GCG: variants seen among roughly 807,000 people sequenced by gnomAD.
GCG encodes glucagon.
In GCG, 11 loss-of-function variants were observed where a neutral mutation model predicts 22.8. The ratio of observed to expected loss-of-function variants is 0.48; its 90% confidence interval spans 0.30 to 0.80. The LOEUF (loss-of-function observed/expected upper bound fraction) is 0.80. Among genes scored for constraint, GCG ranks in the 30% least tolerant of loss-of-function variants. The pLI is 0.06. For missense variants in GCG, 222 were observed against 222.0 expected, an observed-to-expected ratio of 1.00 and a Z score of 0.00; for synonymous variants, 89 against 72.4, an observed-to-expected ratio of 1.23 and a Z score of -1.16.
chr2:162,149,512 T>A (rs1337084563), intron 1 of GCG, among the ~76,000 whole-genome samples: 2 of 152,142 alleles, frequency 1.3e-5, no homozygotes, highest in Non-Finnish European at 2.9e-5. Context: ...ACATTTAAAA[T>A]ACCCACTGTA....
chr2:162,146,161 A>G (rs572598598), intron 3 of GCG, among the ~76,000 whole-genome samples: 1 of 152,318 alleles, frequency 6.6e-6, no homozygotes, highest in African/African-American at 2.4e-5. Context: ...TGCTAGTAAC[A>G]AGGAAAGCAA....
intron 1 of GCG, 73 bp from the exon 2 acceptor site, chr2:162,149,260 T>C (rs1686774276): frequency 2.5e-6 from 2 of 814,480 alleles, no homozygotes; most frequent in Admixed American, 4.0e-5. Context: ...GCTAAATTAA[T>C]TAGATTTGAC....
chr2:162,143,340 A>G lies in GCG; in HGVS notation c.*24T>C. 8.1e-7 allele frequency: 1 copy of G among 1,234,460 alleles called. No homozygotes were observed. Among genetic ancestry groups the G allele is most frequent in the Non-Finnish European group, 1.1e-6 (1 of 881,726 alleles). 76.5% of individuals were successfully genotyped at this position (1,234,460 alleles called of 1,614,324 possible). A position where few individuals can be genotyped will look rare whatever the true frequency, so the allele number is the denominator to read the frequency against. The stretch of plus-strand genomic sequence containing the variant: ...ACGTGGCTAGCAGGTGATGTTGTGA[A>G]GATGATCTTGAATAGTGATATAGTT... On this transcript the variant is annotated 3_prime_UTR_variant, in exon 6 of 6. Coordinates refer to ENST00000418842, the MANE Select transcript of GCG (RefSeq NM_002054.5).
chr2:162,152,047 T>C (rs1486034210), intron 1 of GCG, 111 bp downstream of exon 1: 3 of 152,358 alleles, frequency 2.0e-5, no homozygotes, highest in Non-Finnish European at 4.4e-5. Flanking sequence ...TGTGTACTAT[T>C]AGTAATAAAG....
intron 3 of GCG, 49 bp from the exon 4 acceptor site, chr2:162,145,726 T>C: frequency 9.6e-6 from 15 of 1,568,174 alleles, no homozygotes; most frequent in Non-Finnish European, 1.3e-5. Context: ...TTTGGCAATA[T>C]GGTTCTCACC....
Position 162,143,646 on chromosome 2 carries a change from C to T in GCG, c.537-276G>A, listed in dbSNP as rs567400341. Among the ~76,000 whole-genome samples, 9 of 152,248 alleles carry T rather than the reference C, an allele frequency of 5.9e-5. No homozygotes were observed. The East Asian group carries it at 1.5e-3, about 26-fold the overall frequency. On this transcript the variant is annotated intron_variant, in intron 5 of 5. Transcript: ENST00000418842. The stretch of plus-strand genomic sequence containing the variant: ...TTTTCGGTGTCCAGTTCTCACTACT[C>T]TTCTTATTAAATTAAGTATGTAATA...
At chr2:162,147,236 A>T in intron 3 of GCG, 117 bp downstream of exon 3, 1 of 787,650 alleles carries the variant, frequency 1.3e-6, no homozygotes. Flanking sequence ...CATCTTCAAA[A>T]TGATCAGGGC....
rs142104367 is a variant in GCG, at chr2:162,142,967, C to G, written c.*397G>C. 753 of 159,712 alleles carry G rather than the reference C, an allele frequency of 4.7e-3. 7 individuals are homozygous for G. Among genetic ancestry groups the G allele is most frequent in the African/African-American group, 0.016 (661 of 42,004 alleles). The allele number at this position is 159,712 out of a possible 1,614,324, so 9.9% of individuals were successfully genotyped here. ...ACAAAGGTTTCAGGAAGAAAGTTCT[C>G]TTTCCAATTTCACCACTGTGGCTAC... On this transcript the variant is annotated 3_prime_UTR_variant, in exon 6 of 6. Transcript: ENST00000418842.
chr2:162,144,349 G>C, intron 4 of GCG, 179 bp from the exon 5 acceptor site: 2 of 580,966 alleles, frequency 3.4e-6, no homozygotes, highest in South Asian at 4.4e-5. Context: ...CTACTGGAAA[G>C]AGAAAGTAGC....
chr2:162,151,122 T>C (rs949553256), intron 1 of GCG, among the ~76,000 whole-genome samples: 2 of 152,120 alleles, frequency 1.3e-5, no homozygotes, highest in African/African-American at 4.8e-5. Flanking sequence ...TTCCAGTTAA[T>C]TTCCCCCCTC....
chr2:162,150,893 C>A lies in GCG; in HGVS notation c.-10+1265G>T, dbSNP rs75316473. Among the ~76,000 whole-genome samples the A allele has an allele frequency of 3.8e-3, 571 of 151,926 alleles. 6 individuals are homozygous for A. Among genetic ancestry groups the A allele is most frequent in the South Asian group, 0.032 (155 of 4,816 alleles). Reference sequence around the variant, plus strand: ...GATGGAAGAAAGAACAACCATAAACCACATAAAGAAGTGAGCGTTCCGTAT... The same window carrying A: ...GATGGAAGAAAGAACAACCATAAACAACATAAAGAAGTGAGCGTTCCGTAT... On this transcript the variant is annotated intron_variant, in intron 1 of 5. Coordinates refer to ENST00000418842, the MANE Select transcript of GCG (RefSeq NM_002054.5).
chr2:162,146,893 T>C (rs1055144907), intron 3 of GCG, among the ~76,000 whole-genome samples: 4 of 152,136 alleles, frequency 2.6e-5, no homozygotes, highest in African/African-American at 9.6e-5. Flanking sequence ...TTTAAATGCA[T>C]GTCTTGGATT....
chr2:162,149,354 G>T (rs1416248919), intron 1 of GCG, among the ~76,000 whole-genome samples, 167 bp from the exon 2 acceptor site: 1 of 151,940 alleles, frequency 6.6e-6, no homozygotes, highest in Non-Finnish European at 1.5e-5. Context: ...TTAAATAGTG[G>T]GTTATATTAT....
chr2:162,143,283 A>G lies in GCG; in HGVS notation c.*81T>C, dbSNP rs1365799239. 14 of 702,224 alleles carry G rather than the reference A, an allele frequency of 2.0e-5. No homozygotes were observed. In the East Asian group the frequency reaches 4.1e-4, roughly 21 times the overall value. The allele number at this position is 702,224 out of a possible 1,614,324, so 43.5% of individuals were successfully genotyped here. A position where few individuals can be genotyped will look rare whatever the true frequency, so the allele number is the denominator to read the frequency against. ...AATGTGGCCTCAGAATACACCTCTT[A>G]AATTTACAGGACTTAACATTTCAAA... On this transcript the variant is annotated 3_prime_UTR_variant, in exon 6 of 6. Coordinates refer to ENST00000418842, the MANE Select transcript of GCG (RefSeq NM_002054.5).
rs1047065320 is a variant in GCG at position 162,152,189 on chromosome 2, T to C, written c.-41A>G. The C allele has an allele frequency of 6.6e-6, 1 of 152,620 alleles. No individual in the cohort carries two copies. The highest frequency in any genetic ancestry group is 2.4e-5 in the African/African-American group (1 of 41,452). The allele number at this position is 152,620 out of a possible 1,614,324, so 9.5% of individuals were successfully genotyped here. ...GTAGTGTGCTGTAGAACAGAGCAGG[T>C]GAAGAGAGAGCAAGCCCTCTTTGGG... On this transcript the variant is annotated 5_prime_UTR_variant, in exon 1 of 6. Coordinates refer to ENST00000418842, the MANE Select transcript of GCG (RefSeq NM_002054.5).
chr2:162,149,441 C>G (rs1686779778), intron 1 of GCG, among the ~76,000 whole-genome samples: 1 of 152,040 alleles, frequency 6.6e-6, no homozygotes, highest in South Asian at 2.1e-4. Flanking sequence ...AATGTAGGGA[C>G]ACTTCTGTTT....
rs573953805 is a variant in GCG at position 162,151,041 on chromosome 2, G to A, written c.-10+1117C>T. 2.0e-5 allele frequency among the ~76,000 whole-genome samples: 3 copies of A among 151,960 alleles called. No homozygotes were observed. The South Asian group carries it at 6.2e-4, about 32-fold the overall frequency. On this transcript the variant is annotated intron_variant, in intron 1 of 5. Transcript: ENST00000418842. ...AAAAAAAGAATAGAGTTAATTGTTT[G>A]AATACAATTGCTGAGAAAGTAGAGA...
rs1402798302 is a variant in GCG, at chr2:162,143,167, T to G, written c.*197A>C. The G allele has an allele frequency of 2.5e-6, 1 of 406,472 alleles. No individual in the cohort carries two copies. The highest frequency in any genetic ancestry group is 2.1e-5 in the African/African-American group (1 of 48,378). 25.2% of individuals were successfully genotyped at this position (406,472 alleles called of 1,614,324 possible). On this transcript the variant is annotated 3_prime_UTR_variant, in exon 6 of 6. Transcript: ENST00000418842. ...TAGCACTTTCATATTTTAAAGCTGA[T>G]ATTTTAGCAATATTTTGATAAAACT...
chr2:162,148,348 A>G (rs963872061), intron 2 of GCG, among the ~76,000 whole-genome samples: 3 of 152,192 alleles, frequency 2.0e-5, no homozygotes, highest in African/African-American at 7.2e-5. Flanking sequence ...AAGTGTGTAT[A>G]TAAAATGTTG....
Sources: gnomAD v4.1 joint callset for allele counts (sites outside exome capture counted in the v4.1 genomes callset) on GRCh38, gnomAD v4.1.1 for gene constraint, MANE v1.5 for transcripts, NCBI Gene and HGNC (gene_info 2026-07-23, HGNC 2026-07-21) for gene names.